DYNC1I1: variants seen among roughly 807,000 people sequenced by gnomAD.
The protein encoded by DYNC1I1 is dynein cytoplasmic 1 intermediate chain 1.
A neutral mutation model predicts 86.6 loss-of-function variants in DYNC1I1; 43 were observed. The ratio of observed to expected loss-of-function variants is 0.50; its 90% confidence interval spans 0.39 to 0.64. The LOEUF (loss-of-function observed/expected upper bound fraction) is 0.64. Ranked by LOEUF, DYNC1I1 falls within the 30% of genes least tolerant of loss-of-function variation. The pLI, the probability that DYNC1I1 is intolerant of heterozygous loss-of-function variation, is 0.00. For synonymous variants in DYNC1I1, 262 were observed against 283.7 expected, an observed-to-expected ratio of 0.92 and a Z score of 0.77; for missense variants, 604 against 788.8, an observed-to-expected ratio of 0.77 and a Z score of 2.81.
intron 5 of DYNC1I1, among the ~76,000 whole-genome samples, chr7:95,830,546 C>A (rs1013881764): frequency 6.6e-6 from 1 of 152,142 alleles, no homozygotes; most frequent in African/African-American, 2.4e-5. Context: ...ATAAACAGCT[C>A]TATCCTTTTT....
At chr7:95,956,414 G>T in intron 6 of DYNC1I1, among the ~76,000 whole-genome samples, 1 of 146,582 alleles carries the variant, frequency 6.8e-6, no homozygotes. Flanking sequence ...TTTAAGTTCT[G>T]GGATACATGT....
At chr7:96,019,840 T>C (rs1794497819) in intron 10 of DYNC1I1, among the ~76,000 whole-genome samples, 1 of 152,154 alleles carries the variant, frequency 6.6e-6, no homozygotes, top group Non-Finnish European at 1.5e-5. Flanking sequence ...AGAAGAGTCC[T>C]CTGGACCACT....
chr7:95,998,998 T>TG (rs1284441311), intron 10 of DYNC1I1, among the ~76,000 whole-genome samples: 8 of 152,248 alleles, frequency 5.3e-5, no homozygotes, highest in Non-Finnish European at 4.4e-5. Context: ...TTTTGTGTCT[T>TG]TACTAAACTG....
At chr7:95,867,188 T>C (rs1790037458) in intron 5 of DYNC1I1, among the ~76,000 whole-genome samples, 1 of 152,238 alleles carries the variant, frequency 6.6e-6, no homozygotes, top group African/African-American at 2.4e-5. Context: ...GAATCTTTAA[T>C]GTAGGACACT....
chr7:95,805,676 CG>C (rs1794685673), intron 2 of DYNC1I1, among the ~76,000 whole-genome samples: 1 of 152,060 alleles, frequency 6.6e-6, no homozygotes, highest in Non-Finnish European at 1.5e-5. Context: ...TCTAATTTGT[CG>C]TGGCAGTGTA....
intron 5 of DYNC1I1, among the ~76,000 whole-genome samples, chr7:95,860,362 T>A (rs1043845894): frequency 6.6e-6 from 1 of 152,146 alleles, no homozygotes; most frequent in Non-Finnish European, 1.5e-5. Flanking sequence ...AATAGCACCA[T>A]TATCGCTCTC....
chr7:95,817,707 T>C (rs1005559700), intron 4 of DYNC1I1, among the ~76,000 whole-genome samples: 26 of 152,170 alleles, frequency 1.7e-4, no homozygotes, highest in African/African-American at 5.8e-4. Flanking sequence ...AAAGGACAGA[T>C]TGTAATCCAT....
chr7:95,962,440 T>C (rs1394920813), intron 6 of DYNC1I1, among the ~76,000 whole-genome samples: 1 of 152,256 alleles, frequency 6.6e-6, no homozygotes, highest in Non-Finnish European at 1.5e-5. Flanking sequence ...GTTTCTGTGA[T>C]TATTATTAAC....
chr7:95,923,601 A>T (rs1198319104), intron 6 of DYNC1I1, among the ~76,000 whole-genome samples: 4 of 152,148 alleles, frequency 2.6e-5, no homozygotes, highest in African/African-American at 9.7e-5. Flanking sequence ...GTTGTGTTAC[A>T]TGGAGGAATA....
At chr7:95,913,503 C>CA (rs1406950947) in intron 6 of DYNC1I1, among the ~76,000 whole-genome samples, 1 of 152,180 alleles carries the variant, frequency 6.6e-6, no homozygotes, top group Admixed American at 6.5e-5. Flanking sequence ...GAATAAGTCT[C>CA]ACAAGAACTG....
chr7:96,021,000 AGGGATGG>A (rs1467885065), intron 10 of DYNC1I1, among the ~76,000 whole-genome samples: 2 of 152,018 alleles, frequency 1.3e-5, no homozygotes, highest in African/African-American at 4.8e-5. Context: ...AAGAGTGATG[AGGGATGG>A]GGGATGGGGG....
intron 1 of DYNC1I1, among the ~76,000 whole-genome samples, chr7:95,800,451 G>A (rs1238004798): frequency 6.6e-6 from 1 of 152,076 alleles, no homozygotes; most frequent in Non-Finnish European, 1.5e-5. Flanking sequence ...TGGCAATGAA[G>A]CTGGGTGACA....
chr7:95,790,259 A>C (rs114478527), intron 1 of DYNC1I1, among the ~76,000 whole-genome samples: 4,785 of 152,272 alleles, frequency 0.031, 274 homozygotes, highest in African/African-American at 0.11. Flanking sequence ...GTGCAAACTA[A>C]GATGGTTGCT....
At chr7:95,983,260 C>A (rs1428900749) in intron 7 of DYNC1I1, among the ~76,000 whole-genome samples, 1 of 152,180 alleles carries the variant, frequency 6.6e-6, no homozygotes, top group Non-Finnish European at 1.5e-5. Context: ...TCAGTACACA[C>A]TGGAATATTT....
intron 16 of DYNC1I1, among the ~76,000 whole-genome samples, chr7:96,080,809 C>A (rs963139662): frequency 6.6e-6 from 1 of 152,058 alleles, no homozygotes; most frequent in Non-Finnish European, 1.5e-5. Context: ...CGGTGCCTCA[C>A]GCCTGTAATC....
intron 6 of DYNC1I1, among the ~76,000 whole-genome samples, chr7:95,975,541 T>C (rs1224503906): frequency 6.6e-6 from 1 of 152,208 alleles, no homozygotes; most frequent in East Asian, 1.9e-4. Context: ...CATGTTGGAT[T>C]AGGTGCCCTA....
chr7:95,913,172 G>GA (rs1478550380), intron 6 of DYNC1I1, among the ~76,000 whole-genome samples: 1 of 152,036 alleles, frequency 6.6e-6, no homozygotes, highest in Non-Finnish European at 1.5e-5. Context: ...TCCTGGGTGG[G>GA]AAAAAACAGA....
intron 8 of DYNC1I1, 42 bp from the exon 9 acceptor site, chr7:95,987,014 G>A: frequency 3.8e-6 from 6 of 1,581,196 alleles, no homozygotes; most frequent in Non-Finnish European, 5.2e-6. Context: ...GCAGCATAGA[G>A]AAAGAGCTCC....
chr7:95,823,510 G>T (rs1006329782), intron 4 of DYNC1I1, among the ~76,000 whole-genome samples: 2 of 152,028 alleles, frequency 1.3e-5, no homozygotes, highest in Admixed American at 1.3e-4. Flanking sequence ...AGATGTTATC[G>T]GTATATTATT....
Sources: gnomAD v4.1 joint callset for allele counts (sites outside exome capture counted in the v4.1 genomes callset) on GRCh38, gnomAD v4.1.1 for gene constraint, MANE v1.5 for transcripts, NCBI Gene and HGNC (gene_info 2026-07-23, HGNC 2026-07-21) for gene names.